Variants in EGFR observed in about 807,000 individuals in gnomAD.
EGFR encodes epidermal growth factor receptor, also known as avian erythroblastic leukemia viral (v-erb-b) oncogene homolog.
In EGFR, 58 loss-of-function variants were observed where a neutral mutation model predicts 143.0. That is an observed-to-expected ratio of 0.41 (90% CI 0.33 to 0.50). The LOEUF (loss-of-function observed/expected upper bound fraction) is 0.50. EGFR is among the 20% of genes least tolerant of loss of function. The pLI is 0.39. For missense variants in EGFR, 1,307 were observed against 1,579.0 expected (o/e 0.83, Z 2.92); for synonymous variants, 613 against 594.4 (o/e 1.03, Z -0.45).
intron 1 of EGFR, among the ~76,000 whole-genome samples, chr7:55,136,691 T>A (rs1408988360): frequency 2.0e-5 from 3 of 152,244 alleles, no homozygotes; most frequent in Admixed American, 1.3e-4. Context: ...ACTTCTAATG[T>A]TGAATTTTTT....
chr7:55,152,259 T>A, intron 5 of EGFR: 1 of 581,812 alleles, frequency 1.7e-6, no homozygotes, highest in South Asian at 1.5e-5. Flanking sequence ...CAGGTATTTT[T>A]GTTCTTTGTA....
At chr7:55,045,389 C>T (rs7798980) in intron 1 of EGFR, among the ~76,000 whole-genome samples, 7,363 of 152,238 alleles carry the variant, frequency 0.048, 301 homozygotes, top group South Asian at 0.16. Flanking sequence ...TCCAGCTAAA[C>T]AATTGATTGA....
intron 1 of EGFR, among the ~76,000 whole-genome samples, chr7:55,135,666 T>C (rs114833499): frequency 0.013 from 1,972 of 152,314 alleles, 44 homozygotes; most frequent in African/African-American, 0.044. Flanking sequence ...TAACCACTTA[T>C]TTCATTATGA....
rs540317044 is a variant in EGFR at position 55,181,200 on chromosome 7, C to T, written c.2284-93C>T. On this transcript the variant is annotated intron_variant, in intron 19 of 27. Coordinates refer to ENST00000275493, the MANE Select transcript of EGFR (RefSeq NM_005228.5). ...GAGTACGTATTTTGAAACTCAAGAT[C>T]GCATTCATGCGTCTTCACCTGGAAG... is the stretch of plus-strand genomic sequence containing the variant. 1.1e-5 allele frequency: 16 copies of T among 1,431,060 alleles called. 1 individual carries two copies. The highest frequency in any genetic ancestry group is 1.4e-5 in the African/African-American group (1 of 71,158). The allele number at this position is 1,431,060 out of a possible 1,614,324, so 88.6% of individuals were successfully genotyped here. A position where few individuals can be genotyped will look rare whatever the true frequency, so the allele number is the denominator to read the frequency against.
intron 1 of EGFR, among the ~76,000 whole-genome samples, chr7:55,050,856 G>C (rs1204979860): frequency 6.6e-5 from 10 of 152,114 alleles, no homozygotes. Context: ...AACTGTCCTG[G>C]TGTCTGCATA....
rs569658722 is a variant in EGFR at position 55,186,044 on chromosome 7, A to G, written c.2469+4566A>G. 5.3e-5 allele frequency among the ~76,000 whole-genome samples: 8 copies of G among 152,320 alleles called. No individual in the cohort carries two copies. The South Asian group carries it at 1.7e-3, about 32-fold the overall frequency. Reference sequence around the variant, plus strand: ...GAGTGGGCCGGGCTATCCCGTCCACACCGGGAGACAGGGAAGGAGACTCCA... The same window carrying G: ...GAGTGGGCCGGGCTATCCCGTCCACGCCGGGAGACAGGGAAGGAGACTCCA... On this transcript the variant is annotated intron_variant, in intron 20 of 27. Coordinates refer to ENST00000275493, the MANE Select transcript of EGFR (RefSeq NM_005228.5).
At position 55,156,638 on chromosome 7, in the gene EGFR, T is replaced by A. The variant is rs2128938413; in HGVS notation, c.1112T>A (p.Ile371Asn). ...NCTSISGDLHILPVAFRGDSF... is the reference protein window; with the variant it reads ...NCTSISGDLHNLPVAFRGDSF... ...ACCTCCATCAGTGGCGATCTCCACA[T>A]CCTGCCGGTGGCATTTAGGGGGTGA... Residue 371 changes from isoleucine to asparagine, a missense_variant, in exon 9 of 28, where the codon ATC (isoleucine) becomes AAC (asparagine). Ile to Asn is a moderately radical substitution (Grantham distance 149). This residue lies in a region of EGFR where 15 missense variants were observed against 46.5 expected (regional missense o/e 0.32). Transcript: ENST00000275493. 6.2e-7 allele frequency: 1 copy of A among 1,614,266 alleles called. No homozygotes were observed.
At chr7:55,142,633 T>C (rs1794524801) in intron 2 of EGFR, among the ~76,000 whole-genome samples, 196 bp downstream of exon 2, 1 of 152,216 alleles carries the variant, frequency 6.6e-6, no homozygotes, top group Non-Finnish European at 1.5e-5. Flanking sequence ...GGATATCAAA[T>C]AGAAACAGGC....
At chr7:55,184,581 G>A (rs189405671) in intron 20 of EGFR, among the ~76,000 whole-genome samples, 3 of 152,230 alleles carry the variant, frequency 2.0e-5, no homozygotes, top group African/African-American at 2.4e-5. Flanking sequence ...AAGTTTCCAG[G>A]GCCTGAAAGT....
intron 1 of EGFR, among the ~76,000 whole-genome samples, chr7:55,035,508 A>G (rs1583876354): frequency 9.0e-6 from 1 of 110,574 alleles, no homozygotes; most frequent in African/African-American, 3.5e-5. Context: ...CCCCGTCTTC[A>G]CTAAAAAAAA....
At chr7:55,039,747 T>A (rs1173528588) in intron 1 of EGFR, among the ~76,000 whole-genome samples, 6 of 152,202 alleles carry the variant, frequency 3.9e-5, no homozygotes, top group Non-Finnish European at 8.8e-5. Context: ...TTTCCTGGGC[T>A]GTCACAGTGG....
chr7:55,137,220 G>A (rs1389950613), intron 1 of EGFR, among the ~76,000 whole-genome samples: 1 of 152,174 alleles, frequency 6.6e-6, no homozygotes, highest in African/African-American at 2.4e-5. Flanking sequence ...GGCTGGGGAT[G>A]GAAGCAGAGA....
intron 27 of EGFR, among the ~76,000 whole-genome samples, chr7:55,203,348 TAC>T (rs201218133): frequency 0.026 from 3,323 of 129,338 alleles, 103 homozygotes; most frequent in African/African-American, 0.093. Flanking sequence ...CACACATATA[TAC>T]ACACATACAC....
intron 1 of EGFR, among the ~76,000 whole-genome samples, chr7:55,119,931 T>C (rs1471588954): frequency 6.6e-6 from 1 of 152,204 alleles, no homozygotes; most frequent in Non-Finnish European, 1.5e-5. Flanking sequence ...GAATCTGCAT[T>C]TTTGCAAAGT....
intron 1 of EGFR, among the ~76,000 whole-genome samples, chr7:55,093,943 C>T (rs934484492): frequency 1.3e-5 from 2 of 152,024 alleles, no homozygotes; most frequent in African/African-American, 2.4e-5. Flanking sequence ...AAATTGGCCT[C>T]GTAAAGCATC....
intron 1 of EGFR, among the ~76,000 whole-genome samples, chr7:55,033,584 C>T (rs1787388806): frequency 6.6e-6 from 1 of 152,108 alleles, no homozygotes; most frequent in Admixed American, 6.5e-5. Flanking sequence ...CCCATGTGTG[C>T]ACGACAGCCT....
intron 6 of EGFR, 125 bp from the exon 7 acceptor site, chr7:55,153,884 GAA>G: frequency 7.0e-7 from 1 of 1,427,090 alleles, no homozygotes; most frequent in Non-Finnish European, 9.8e-7. Flanking sequence ...CACACTAGTG[GAA>G]CACTAGGCTG....
intron 1 of EGFR, among the ~76,000 whole-genome samples, chr7:55,072,545 C>T (rs1278252502): frequency 1.3e-5 from 2 of 152,204 alleles, no homozygotes; most frequent in African/African-American, 2.4e-5. Context: ...AGTGGTGATG[C>T]TGATGCCGTT....
chr7:55,105,047 C>T (rs1792050505), intron 1 of EGFR, among the ~76,000 whole-genome samples: 1 of 152,102 alleles, frequency 6.6e-6, no homozygotes, highest in Non-Finnish European at 1.5e-5. Context: ...CAGGGGTGCC[C>T]CTTTATAAAG....
Sources: allele counts gnomAD v4.1 joint callset (sites outside exome capture counted in the v4.1 genomes callset), GRCh38; gene constraint gnomAD v4.1.1; regional missense constraint gnomAD v4.1.1; transcripts MANE v1.5; gene names NCBI Gene and HGNC (gene_info 2026-07-23, HGNC 2026-07-21).